ITGA11: variants seen among roughly 807,000 people sequenced by gnomAD.
The protein encoded by ITGA11 is integrin alpha-11.
A neutral mutation model predicts 141.9 loss-of-function variants in ITGA11; 97 were observed. The ratio of observed to expected loss-of-function variants is 0.68; its 90% CI spans 0.58 to 0.81. ITGA11 has a LOEUF of 0.81. Among genes scored for constraint, ITGA11 ranks in the 30% least tolerant of loss-of-function variants. ITGA11 has a pLI of 0.00. For synonymous variants in ITGA11, 658 were observed against 624.6 expected (o/e 1.05, Z -0.80); for missense variants, 1,387 against 1,559.2 (o/e 0.89, Z 1.86).
intron 11 of ITGA11, among the ~76,000 whole-genome samples, chr15:68,339,173 G>A (rs971080406): frequency 2.4e-4 from 36 of 152,208 alleles, no homozygotes; most frequent in African/African-American, 8.2e-4. Context: ...GGAGCCCTAG[G>A]CAGCCCCAAA....
intron 1 of ITGA11, among the ~76,000 whole-genome samples, chr15:68,416,217 T>C (rs959914300): frequency 1.3e-5 from 2 of 152,174 alleles, no homozygotes; most frequent in Non-Finnish European, 2.9e-5. Flanking sequence ...TCAAAAGCAT[T>C]TGCAGCTCTA....
Position 68,320,377 on chromosome 15 carries a change from C to A in ITGA11, c.2424G>T (p.Arg808Ser). ...AGTCCTGCGCAGGCTTCCTCAGCAC[C>A]CTCTGGCAGTACTCCCTGAGAACAA... ...DLPTAMEYCQRVLRKPAQDCS... is the reference protein window; with the variant it reads ...DLPTAMEYCQSVLRKPAQDCS... Residue 808 changes from arginine to serine, a missense_variant, in exon 20 of 30, where the codon AGG becomes AGT. Physicochemically the swap from Arg to Ser is moderately radical, Grantham distance 110 (BLOSUM62 -1). Coordinates refer to ENST00000315757, the MANE Select transcript of ITGA11 (RefSeq NM_001004439.2). 2 of 1,593,514 alleles carry A rather than the reference C, an allele frequency of 1.3e-6. No individual in the cohort carries two copies.
chr15:68,330,642 G>A (rs184374024), intron 15 of ITGA11, among the ~76,000 whole-genome samples: 1 of 152,198 alleles, frequency 6.6e-6, no homozygotes, highest in East Asian at 1.9e-4. Context: ...TCCACGCCAG[G>A]GGAGAAGGAA....
chr15:68,400,320 A>G (rs1896435731), intron 2 of ITGA11, among the ~76,000 whole-genome samples: 1 of 151,694 alleles, frequency 6.6e-6, no homozygotes, highest in Non-Finnish European at 1.5e-5. Flanking sequence ...AAACTTCTAG[A>G]AGAAAACAGA....
intron 13 of ITGA11, 75 bp from the exon 14 acceptor site, chr15:68,332,137 C>T: frequency 7.4e-7 from 1 of 1,351,486 alleles, no homozygotes; most frequent in Non-Finnish European, 1.0e-6. Context: ...CCTCTGCAGG[C>T]TGCTCCGGCA....
At chr15:68,363,106 G>T (rs968305542) in intron 4 of ITGA11, among the ~76,000 whole-genome samples, 2 of 152,158 alleles carry the variant, frequency 1.3e-5, no homozygotes, top group Non-Finnish European at 2.9e-5. Context: ...ATGATTACAT[G>T]GGAGATTGAT....
intron 10 of ITGA11, among the ~76,000 whole-genome samples, chr15:68,345,094 C>T (rs1894702133): frequency 6.6e-6 from 1 of 152,032 alleles, no homozygotes; most frequent in African/African-American, 2.4e-5. Context: ...AACTTTCTGG[C>T]AGATTGTTGC....
At chr15:68,315,608 G>A (rs368513920) in intron 22 of ITGA11, 43 bp downstream of exon 22, 70 of 1,538,240 alleles carry the variant, frequency 4.6e-5, no homozygotes, top group Non-Finnish European at 5.6e-5. Context: ...GCTGGGCCCC[G>A]GAATAGCAAG....
At chr15:68,410,912 G>A (rs1278671019) in intron 1 of ITGA11, among the ~76,000 whole-genome samples, 2 of 152,216 alleles carry the variant, frequency 1.3e-5, no homozygotes, top group Non-Finnish European at 2.9e-5. Context: ...GAGAAGCAGG[G>A]ATACTGCCCT....
At position 68,299,713 on chromosome 15, in the gene ITGA11, A is replaced by C. The variant is rs993888327; in HGVS notation, c.*3346T>G. Reference sequence around the variant, plus strand: ...GAAGCCAGGGGACTGACTCAAGTCTAATGTCTTATTCTCAGACAGTATTGA... The same window carrying C: ...GAAGCCAGGGGACTGACTCAAGTCTCATGTCTTATTCTCAGACAGTATTGA... On this transcript the variant is annotated 3_prime_UTR_variant, in exon 30 of 30. Coordinates refer to ENST00000315757, the MANE Select transcript of ITGA11 (RefSeq NM_001004439.2). 3 of 152,334 alleles carry C rather than the reference A, an allele frequency of 2.0e-5. No individual in the cohort carries two copies. Among genetic ancestry groups the C allele is most frequent in the East Asian group, 3.9e-4 (2 of 5,190 alleles). 9.4% of individuals were successfully genotyped at this position (152,334 alleles called of 1,614,324 possible).
At chr15:68,431,334 G>T (rs368513936) in intron 1 of ITGA11, among the ~76,000 whole-genome samples, 44 of 152,358 alleles carry the variant, frequency 2.9e-4, no homozygotes, top group African/African-American at 9.6e-4. Context: ...TTCCGAGCGC[G>T]GGTTGGGAGG....
At chr15:68,380,782 C>T (rs1358861942) in intron 2 of ITGA11, among the ~76,000 whole-genome samples, 1 of 152,226 alleles carries the variant, frequency 6.6e-6, no homozygotes, top group Non-Finnish European at 1.5e-5. Flanking sequence ...AGACAATTCC[C>T]TGCCTTCATG....
chr15:68,405,638 G>A (rs571796312), intron 1 of ITGA11, among the ~76,000 whole-genome samples: 13 of 152,274 alleles, frequency 8.5e-5, no homozygotes, highest in South Asian at 8.3e-4. Flanking sequence ...TGAGCACAGG[G>A]TCCTGAAGAA....
intron 2 of ITGA11, among the ~76,000 whole-genome samples, chr15:68,389,344 C>T (rs979641475): frequency 6.6e-6 from 1 of 152,232 alleles, no homozygotes; most frequent in Non-Finnish European, 1.5e-5. Context: ...CCCACTTATG[C>T]AAATACACTT....
intron 26 of ITGA11, 61 bp downstream of exon 26, chr15:68,310,933 G>GAGC: frequency 7.6e-7 from 1 of 1,312,806 alleles, no homozygotes; most frequent in Non-Finnish European, 1.1e-6. Context: ...ATGGCCCGCA[G>GAGC]AGCACCGGCG....
chr15:68,363,805 C>T (rs1164994454), intron 4 of ITGA11, among the ~76,000 whole-genome samples: 3 of 152,206 alleles, frequency 2.0e-5, no homozygotes, highest in Non-Finnish European at 4.4e-5. Context: ...AAGGAGCAGG[C>T]AGTGCCAATC....
chr15:68,393,783 C>A (rs998510232), intron 2 of ITGA11, among the ~76,000 whole-genome samples: 2 of 151,916 alleles, frequency 1.3e-5, no homozygotes, highest in African/African-American at 4.8e-5. Context: ...ATAAAAGAGA[C>A]GAAGAACACC....
chr15:68,420,273 T>C (rs986751633), intron 1 of ITGA11, among the ~76,000 whole-genome samples: 3 of 152,210 alleles, frequency 2.0e-5, no homozygotes, highest in African/African-American at 4.8e-5. Flanking sequence ...AGTCCCATTA[T>C]ATAACTAGGT....
chr15:68,364,650 C>A (rs1595879132), intron 4 of ITGA11, 57 bp downstream of exon 4: 2 of 1,000,660 alleles, frequency 2.0e-6, no homozygotes, highest in South Asian at 2.6e-5. Context: ...ACGCTCCACC[C>A]CTCCCCACCC....
Sources: gnomAD v4.1 joint callset for allele counts (sites outside exome capture counted in the v4.1 genomes callset) on GRCh38, gnomAD v4.1.1 for gene constraint, MANE v1.5 for transcripts, NCBI Gene and HGNC (gene_info 2026-07-23, HGNC 2026-07-21) for gene names.